HOGA1: variants seen among roughly 807,000 people sequenced by gnomAD.
HOGA1 encodes 4-hydroxy-2-oxoglutarate aldolase, mitochondrial.
In HOGA1, 30 loss-of-function variants were observed where a neutral mutation model predicts 34.3. The observed-to-expected ratio is 0.87, with a 90% CI of 0.65 to 1.19. The LOEUF (loss-of-function observed/expected upper bound fraction) is 1.19, where lower values mean the gene tolerates loss of function less well. Ranked by LOEUF, HOGA1 falls within the 50% of genes most tolerant of loss-of-function variation. The pLI is 0.00. For synonymous variants in HOGA1, 161 were observed against 174.0 expected (o/e 0.93, Z 0.59); for missense variants, 417 against 436.5 (o/e 0.96, Z 0.40).
chr10:97,599,004 GACAT>G (rs1389112044), intron 2 of HOGA1, 81 bp from the exon 3 acceptor site: 13 of 1,606,790 alleles, frequency 8.1e-6, no homozygotes, highest in Non-Finnish European at 1.0e-5. Flanking sequence ...CCTCTTCTGG[GACAT>G]GCTGAGGCAC....
At chr10:97,590,813 G>A (rs948158599) in intron 1 of HOGA1, 53 of 592,224 alleles carry the variant, frequency 8.9e-5, no homozygotes, top group Admixed American at 1.5e-4. Flanking sequence ...AGGACACAGC[G>A]CAGGTGAGAT....
intron 6 of HOGA1, among the ~76,000 whole-genome samples, chr10:97,608,267 T>C (rs577134758): frequency 6.6e-6 from 1 of 152,216 alleles, no homozygotes. Context: ...GCTACGATCA[T>C]GCCACTTCAC....
rs1270127415 is a variant in HOGA1, at chr10:97,598,994, C to T, written c.340+91C>T. On this transcript the variant is annotated intron_variant, in intron 2 of 6. Coordinates refer to ENST00000370646, the MANE Select transcript of HOGA1 (RefSeq NM_138413.4). Reference sequence around the variant, plus strand: ...GCTTGGGTCCTGTCTCCTTGTTCTGCCTCTTCTGGGACATGCTGAGGCACC... The same window carrying T: ...GCTTGGGTCCTGTCTCCTTGTTCTGTCTCTTCTGGGACATGCTGAGGCACC... The T allele has an allele frequency of 2.4e-5, 38 of 1,607,576 alleles. No individual in the cohort carries two copies. In the Middle Eastern group the frequency reaches 6.1e-4, roughly 26 times the overall value.
intron 1 of HOGA1, among the ~76,000 whole-genome samples, chr10:97,593,195 GC>G (rs1351134333): frequency 6.6e-6 from 1 of 152,052 alleles, no homozygotes; most frequent in Non-Finnish European, 1.5e-5. Context: ...TTCATTGGGG[GC>G]CGAACACGGC....
At chr10:97,590,226 A>C in intron 1 of HOGA1, 1 of 1,613,912 alleles carries the variant, frequency 6.2e-7, no homozygotes, top group South Asian at 1.1e-5. Context: ...CAAGAGATCC[A>C]CCAGGAGTCT....
At position 97,599,667 on chromosome 10, in the gene HOGA1, C is replaced by T. The variant is rs750664684; in HGVS notation, c.469-13C>T. ...CTGCCCTCTCCTGCTTTTCTCTGCGCCCCCCTCCCCAGGTTGCTGATCTCT... is the reference window on the plus strand; with the variant it reads ...CTGCCCTCTCCTGCTTTTCTCTGCGTCCCCCTCCCCAGGTTGCTGATCTCT... On this transcript the variant is annotated splice_polypyrimidine_tract_variant and intron_variant, in intron 3 of 6. Coordinates refer to ENST00000370646, the MANE Select transcript of HOGA1 (RefSeq NM_138413.4). 6.2e-7 allele frequency: 1 copy of T among 1,613,546 alleles called. No homozygotes were observed. Among genetic ancestry groups the T allele is most frequent in the African/African-American group, 1.3e-5 (1 of 75,002 alleles).
intron 1 of HOGA1, chr10:97,590,809 C>G (rs558559332): frequency 8.4e-6 from 5 of 598,450 alleles, no homozygotes; most frequent in African/African-American, 1.9e-5. Context: ...TGGGAGGACA[C>G]AGCGCAGGTG....
intron 1 of HOGA1, among the ~76,000 whole-genome samples, chr10:97,592,558 T>C (rs891211703): frequency 6.6e-6 from 1 of 151,952 alleles, no homozygotes; most frequent in Non-Finnish European, 1.5e-5. Flanking sequence ...CCTGTACTAT[T>C]TTTGAAACTT....
intron 1 of HOGA1, 24 bp downstream of exon 1, chr10:97,584,938 G>A: frequency 6.2e-7 from 1 of 1,602,874 alleles, no homozygotes; most frequent in Admixed American, 1.7e-5. Context: ...TCCTCTGTGG[G>A]ACCTGGGGAG....
chr10:97,593,237 A>G (rs1426778934), intron 1 of HOGA1, among the ~76,000 whole-genome samples: 1 of 152,052 alleles, frequency 6.6e-6, no homozygotes. Context: ...GCACTTTGGG[A>G]GGCTGAGGCA....
chr10:97,602,022 C>T (rs538239140), intron 6 of HOGA1, 32 bp downstream of exon 6: 71 of 1,592,268 alleles, frequency 4.5e-5, no homozygotes, highest in Non-Finnish European at 5.6e-5. Flanking sequence ...CGCGGCCTGG[C>T]GGGGGGTGGG....
At chr10:97,595,760 C>G (rs2041065375) in intron 1 of HOGA1, among the ~76,000 whole-genome samples, 1 of 152,194 alleles carries the variant, frequency 6.6e-6, no homozygotes, top group Non-Finnish European at 1.5e-5. Context: ...ATTGAGTTAG[C>G]CTGGGCTTCT....
rs776171985 is a variant in HOGA1, at chr10:97,611,536, G to A, written c.861G>A (p.Gly287=). ...AAVTRRFGIP[G]LKKIMDWFGY... is the part of the protein sequence containing the mutation. The stretch of plus-strand genomic sequence containing the variant: ...TGACCCGGCGCTTTGGGATCCCAGG[G>A]CTGAAGAAAATCATGGACTGGTTTG... Residue 287 remains glycine (G), a synonymous_variant, in exon 7 of 7, where the codon GGG becomes GGA. Coordinates refer to ENST00000370646, the MANE Select transcript of HOGA1 (RefSeq NM_138413.4). 5 of 1,614,246 alleles carry A rather than the reference G, an allele frequency of 3.1e-6. No homozygotes were observed. In the South Asian group the frequency reaches 5.5e-5, roughly 18 times the overall value.
chr10:97,602,012 C>T (rs553077482), intron 6 of HOGA1, 22 bp downstream of exon 6: 13 of 1,600,420 alleles, frequency 8.1e-6, no homozygotes, highest in East Asian at 6.8e-5. Flanking sequence ...GCAGCGGGGG[C>T]GCGGCCTGGC....
Position 97,601,951 on chromosome 10 carries a change from C to A in HOGA1, c.795C>A (p.Ala265=), listed in dbSNP as rs375893064. ...RLCCTGQWED[A]QKLQHRLIEP... is the part of the protein sequence containing the mutation. ...GCTGCACGGGGCAATGGGAAGATGCCCAGAAACTGCAGCACCGCCTCATTG... is the reference window on the plus strand; with the variant it reads ...GCTGCACGGGGCAATGGGAAGATGCACAGAAACTGCAGCACCGCCTCATTG... Residue 265 remains alanine (A), a synonymous_variant, in exon 6 of 7, where the codon GCC becomes GCA. Transcript: ENST00000370646. The A allele has an allele frequency of 2.2e-4, 354 of 1,612,958 alleles. No individual in the cohort carries two copies. Among genetic ancestry groups the A allele is most frequent in the Non-Finnish European group, 2.8e-4 (335 of 1,179,888 alleles).
At chr10:97,595,893 C>G (rs2041066943) in intron 1 of HOGA1, among the ~76,000 whole-genome samples, 1 of 152,192 alleles carries the variant, frequency 6.6e-6, no homozygotes, top group African/African-American at 2.4e-5. Context: ...CCTCTCTACA[C>G]TAACAGGGAC....
intron 6 of HOGA1, among the ~76,000 whole-genome samples, chr10:97,611,000 A>G (rs2041191152): frequency 6.6e-6 from 1 of 152,158 alleles, no homozygotes; most frequent in Non-Finnish European, 1.5e-5. Flanking sequence ...TTTTCCTGGG[A>G]GACCATTTAG....
intron 1 of HOGA1, among the ~76,000 whole-genome samples, chr10:97,595,585 C>T (rs573106083): frequency 6.6e-6 from 1 of 152,300 alleles, no homozygotes; most frequent in Admixed American, 6.5e-5. Context: ...ATCCCAGCTA[C>T]TCAGGAGGCT....
intron 6 of HOGA1, chr10:97,602,369 G>A (rs1044570229): frequency 2.1e-5 from 25 of 1,196,666 alleles, no homozygotes; most frequent in African/African-American, 4.8e-5. Flanking sequence ...CCGTGCTATC[G>A]GGGGCCAGGT....
Sources: allele counts gnomAD v4.1 joint callset (sites outside exome capture counted in the v4.1 genomes callset), GRCh38; gene constraint gnomAD v4.1.1; transcripts MANE v1.5; gene names NCBI Gene and HGNC (gene_info 2026-07-23, HGNC 2026-07-21).